Variants in EIF2AK2 observed in about 807,000 individuals in gnomAD.
EIF2AK2 encodes the protein eukaryotic translation initiation factor 2 alpha kinase 2, also known as interferon-induced, double-stranded RNA-activated protein kinase.
A neutral mutation model predicts 70.5 loss-of-function variants in EIF2AK2; 40 were observed. That is an observed-to-expected ratio of 0.57 (90% CI 0.44 to 0.74). The LOEUF is 0.74. Among genes scored for constraint, EIF2AK2 ranks in the 30% least tolerant of loss-of-function variants. The probability of loss-of-function intolerance (pLI) is 0.00; values close to 1 mark genes in which losing one functional copy is unlikely to be tolerated. For synonymous variants in EIF2AK2, 198 were observed against 220.9 expected, an observed-to-expected ratio of 0.90 and a Z score of 0.92; for missense variants, 555 against 644.3, an observed-to-expected ratio of 0.86 and a Z score of 1.50.
At chr2:37,147,057 A>G in intron 3 of EIF2AK2, 84 bp from the exon 4 acceptor site, 2 of 1,327,928 alleles carry the variant, frequency 1.5e-6, no homozygotes, top group South Asian at 1.4e-5. Context: ...ACTACCTCCT[A>G]TGACTACCTT....
chr2:37,132,850 T>A (rs906223912), intron 10 of EIF2AK2, among the ~76,000 whole-genome samples: 1 of 152,182 alleles, frequency 6.6e-6, no homozygotes, highest in Non-Finnish European at 1.5e-5. Context: ...TTTACCCATA[T>A]GCCCCCAGTA....
chr2:37,118,060 C>T (rs185262621), intron 13 of EIF2AK2, among the ~76,000 whole-genome samples: 1 of 152,148 alleles, frequency 6.6e-6, no homozygotes, highest in East Asian at 1.9e-4. Context: ...GGAATGCCAG[C>T]ACTTTGGGAG....
intron 13 of EIF2AK2, among the ~76,000 whole-genome samples, chr2:37,118,040 G>T (rs1674406246): frequency 6.6e-6 from 1 of 152,090 alleles, no homozygotes; most frequent in South Asian, 2.1e-4. Flanking sequence ...GGGTGCAGTG[G>T]AGCACACCTG....
intron 13 of EIF2AK2, among the ~76,000 whole-genome samples, chr2:37,116,496 C>T (rs1674345472): frequency 6.6e-6 from 1 of 152,180 alleles, no homozygotes; most frequent in South Asian, 2.1e-4. Context: ...AACACACAGA[C>T]TCTACGGGAT....
chr2:37,127,624 C>A (rs1386008160), intron 10 of EIF2AK2, among the ~76,000 whole-genome samples: 2 of 152,120 alleles, frequency 1.3e-5, no homozygotes, highest in Non-Finnish European at 2.9e-5. Context: ...TGTGCCCACT[C>A]ATCCATCAGG....
chr2:37,112,617 A>G (rs1184904388), intron 14 of EIF2AK2, among the ~76,000 whole-genome samples: 1 of 152,248 alleles, frequency 6.6e-6, no homozygotes, highest in East Asian at 1.9e-4. Flanking sequence ...AGCCTAGTTT[A>G]TAATGCTACA....
At chr2:37,142,527 C>G (rs545039217) in intron 4 of EIF2AK2, among the ~76,000 whole-genome samples, 150 of 151,444 alleles carry the variant, frequency 9.9e-4, no homozygotes, top group African/African-American at 3.5e-3. Context: ...GTAATTTCAA[C>G]CATTGTTATT....
intron 10 of EIF2AK2, among the ~76,000 whole-genome samples, chr2:37,131,494 C>T (rs752092988): frequency 1.3e-5 from 2 of 152,086 alleles, no homozygotes; most frequent in Non-Finnish European, 2.9e-5. Flanking sequence ...AGCCATAAGG[C>T]GCTCACCTCC....
At chr2:37,139,827 A>C in intron 5 of EIF2AK2, 70 bp from the exon 6 acceptor site, 2 of 1,453,038 alleles carry the variant, frequency 1.4e-6, no homozygotes, top group Non-Finnish European at 1.9e-6. Context: ...GGATTCAAAA[A>C]AAATAACATA....
intron 12 of EIF2AK2, among the ~76,000 whole-genome samples, chr2:37,121,190 G>C (rs868164406): frequency 3.5e-5 from 5 of 141,084 alleles, no homozygotes; most frequent in African/African-American, 1.3e-4. Context: ...GTGAATCCGG[G>C]AGGCAGAGCT....
chr2:37,142,199 C>G (rs957169084), intron 4 of EIF2AK2, among the ~76,000 whole-genome samples: 1 of 152,128 alleles, frequency 6.6e-6, no homozygotes, highest in African/African-American at 2.4e-5. Context: ...GGTGCAACCT[C>G]AGCTCACTGC....
chr2:37,147,586 A>G (rs531497424), intron 3 of EIF2AK2, 102 bp downstream of exon 3: 5 of 701,468 alleles, frequency 7.1e-6, no homozygotes, highest in African/African-American at 5.5e-5. Context: ...TCCTTGCGAT[A>G]GTTTGCTGAG....
At chr2:37,151,914 A>T (rs1284776688) in intron 1 of EIF2AK2, among the ~76,000 whole-genome samples, 1 of 152,196 alleles carries the variant, frequency 6.6e-6, no homozygotes, top group Non-Finnish European at 1.5e-5. Flanking sequence ...AAAATACAAA[A>T]AATTAGCCGG....
chr2:37,108,629 G>A (rs1171066278), intron 15 of EIF2AK2, among the ~76,000 whole-genome samples: 1 of 152,162 alleles, frequency 6.6e-6, no homozygotes, highest in African/African-American at 2.4e-5. Flanking sequence ...GAGTGCAGTG[G>A]TGTGATCTTG....
chr2:37,138,347 A>C lies in EIF2AK2; in HGVS notation c.610T>G (p.Ser204Ala). 2.5e-6 allele frequency: 4 copies of C among 1,613,876 alleles called. No individual in the cohort carries two copies. The highest frequency in any genetic ancestry group is 3.4e-6 in the Non-Finnish European group (4 of 1,179,904). The change falls in exon 8 of 17, where the codon TCT becomes GCT. Residue 204 changes from serine (S) to alanine (A), a missense_variant. By Grantham distance (99) the Ser-to-Ala change is moderately conservative. Coordinates refer to ENST00000233057, the MANE Select transcript of EIF2AK2 (RefSeq NM_001135651.3). ...VTSTLASESS[S>A]EGDFSADTSE... ...GTATCTGCTGAGAAGTCACCTTCAGATGATGATTCAGAAGCGCTAGAAGAA... is the reference window on the plus strand; with the variant it reads ...GTATCTGCTGAGAAGTCACCTTCAGCTGATGATTCAGAAGCGCTAGAAGAA...
chr2:37,115,576 T>C (rs1339980462), intron 13 of EIF2AK2, among the ~76,000 whole-genome samples: 1 of 152,062 alleles, frequency 6.6e-6, no homozygotes, highest in Non-Finnish European at 1.5e-5. Context: ...CAGTTCCCCA[T>C]CCCAAGATAG....
In EIF2AK2 at chr2:37,103,604, T is replaced by A. The variant is rs906495134; in HGVS notation, c.*3669A>T. 3.3e-5 allele frequency: 5 copies of A among 152,174 alleles called. No individual in the cohort carries two copies. Among genetic ancestry groups the A allele is most frequent in the Non-Finnish European group, 7.4e-5 (5 of 68,022 alleles). 9.4% of individuals were successfully genotyped at this position (152,174 alleles called of 1,614,324 possible). The stretch of plus-strand genomic sequence containing the variant: ...TATAGCCTCATTAATCAAAACCAGA[T>A]ATTGTTTTTTTAAAAAAAGATTTCT... On this transcript the variant is annotated 3_prime_UTR_variant, in exon 17 of 17. Transcript: ENST00000233057.
In EIF2AK2 at chr2:37,104,139, CAAAA is replaced by C. The variant is rs1673896930; in HGVS notation, c.*3130_*3133del. The stretch of plus-strand genomic sequence containing the variant: ...TGGGCGACACAGTGAGACTCTGTCT[CAAAA>C]CAAACAAACAAACAAAAACAAAATA... On this transcript the variant is annotated 3_prime_UTR_variant, in exon 17 of 17. Coordinates refer to ENST00000233057, the MANE Select transcript of EIF2AK2 (RefSeq NM_001135651.3). The C allele has an allele frequency of 6.6e-6, 1 of 152,006 alleles. No individual in the cohort carries two copies. Among genetic ancestry groups the C allele is most frequent in the Non-Finnish European group, 1.5e-5 (1 of 68,068 alleles). The allele number at this position is 152,006 out of a possible 1,614,324, so 9.4% of individuals were successfully genotyped here. A position where few individuals can be genotyped will look rare whatever the true frequency, so the allele number is the denominator to read the frequency against.
At chr2:37,122,066 A>ATG (rs1674572703) in intron 12 of EIF2AK2, among the ~76,000 whole-genome samples, 1 of 152,200 alleles carries the variant, frequency 6.6e-6, no homozygotes, top group Non-Finnish European at 1.5e-5. Context: ...TACATTCCAA[A>ATG]GAGACCCTCT....
Sources: gnomAD v4.1 joint callset for allele counts (sites outside exome capture counted in the v4.1 genomes callset) on GRCh38, gnomAD v4.1.1 for gene constraint, MANE v1.5 for transcripts, NCBI Gene and HGNC (gene_info 2026-07-23, HGNC 2026-07-21) for gene names.